ITGAV: variants seen among roughly 807,000 people sequenced by gnomAD.
The protein encoded by ITGAV is integrin alpha-V.
A neutral mutation model predicts 143.8 loss-of-function variants in ITGAV; 76 were observed. That is an observed-to-expected ratio of 0.53 (90% CI 0.44 to 0.64). The LOEUF (loss-of-function observed/expected upper bound fraction) is 0.64, where lower values mean the gene tolerates loss of function less well. Ranked by LOEUF, ITGAV falls within the 30% of genes least tolerant of loss-of-function variation. The pLI, the probability that ITGAV is intolerant of heterozygous loss-of-function variation, is 0.00. For synonymous variants in ITGAV, 453 were observed against 446.7 expected (o/e 1.01, Z -0.18); for missense variants, 1,193 against 1,274.7 (o/e 0.94, Z 0.98).
chr2:186,610,366 G>A (rs552529183), intron 2 of ITGAV, among the ~76,000 whole-genome samples: 1 of 152,230 alleles, frequency 6.6e-6, no homozygotes, highest in African/African-American at 2.4e-5. Context: ...AAAATGTGCT[G>A]CCCTGTTAAT....
chr2:186,637,128 A>G lies in ITGAV; in HGVS notation c.802+19A>G, dbSNP rs747821665. 4.4e-6 allele frequency: 7 copies of G among 1,591,062 alleles called. No homozygotes were observed. The highest frequency in any genetic ancestry group is 2.2e-5 in the East Asian group (1 of 44,736). ...ATAGATGGTATGAAGTACTTGAACT[A>G]TATCTAATCTTTAAAAAAATTAGAT... On this transcript the variant is annotated intron_variant, in intron 8 of 29. Transcript: ENST00000261023.
chr2:186,667,620 T>C, intron 23 of ITGAV, 51 bp from the exon 24 acceptor site: 1 of 949,518 alleles, frequency 1.1e-6, no homozygotes, highest in Non-Finnish European at 1.6e-6. Context: ...GAAAATGAAC[T>C]GACTATATCA....
At chr2:186,610,023 CTCCTGGT>C (rs1687171288) in intron 2 of ITGAV, among the ~76,000 whole-genome samples, 1 of 152,080 alleles carries the variant, frequency 6.6e-6, no homozygotes, top group African/African-American at 2.4e-5. Context: ...ACATCTTGGA[CTCCTGGT>C]TCCTTGTAGA....
At position 186,680,671 on chromosome 2, in the gene ITGAV, T is replaced by G. The variant is rs1311945044; in HGVS notation, c.*3379T>G. 1 of 152,640 alleles carries G rather than the reference T, an allele frequency of 6.6e-6. No individual in the cohort carries two copies. The highest frequency in any genetic ancestry group is 1.5e-5 in the Non-Finnish European group (1 of 68,012). 9.5% of individuals were successfully genotyped at this position (152,640 alleles called of 1,614,324 possible). On this transcript the variant is annotated 3_prime_UTR_variant, in exon 30 of 30. Coordinates refer to ENST00000261023, the MANE Select transcript of ITGAV (RefSeq NM_002210.5). ...TTACCAGTTTTGAAACACTTTGAAA[T>G]ATCCTAAGGTAACTTGGAAGCTGTG...
At position 186,659,147 on chromosome 2, in the gene ITGAV, A is replaced by G. The variant is rs1293307542; in HGVS notation, c.1829A>G (p.Gln610Arg). 10 of 1,610,374 alleles carry G rather than the reference A, an allele frequency of 6.2e-6. No individual in the cohort carries two copies. The highest frequency in any genetic ancestry group is 8.5e-6 in the Non-Finnish European group (10 of 1,178,114). ...ACAGGCTTGCAACCCATTCTTAACC[A>G]GTTCACGCCTGCTAACATTAGTCGA... Reference protein sequence around the residue: ...DTTGLQPILNQFTPANISRQA... With the variant: ...DTTGLQPILNRFTPANISRQA... The change falls in exon 18 of 30, where the codon CAG (glutamine) becomes CGG (arginine). Residue 610 changes from glutamine (Q) to arginine (R), a missense_variant. Gln to Arg is a conservative substitution (Grantham distance 43). Coordinates refer to ENST00000261023, the MANE Select transcript of ITGAV (RefSeq NM_002210.5).
chr2:186,658,015 T>A (rs1211650017), intron 17 of ITGAV, among the ~76,000 whole-genome samples: 6 of 151,896 alleles, frequency 4.0e-5, no homozygotes, highest in African/African-American at 1.5e-4. Context: ...GTTCCTGGAG[T>A]GGTCAAGGAT....
chr2:186,629,451 A>G (rs1260247377), intron 4 of ITGAV, among the ~76,000 whole-genome samples: 1 of 151,996 alleles, frequency 6.6e-6, no homozygotes, highest in Non-Finnish European at 1.5e-5. Flanking sequence ...TTGAGGTTAG[A>G]GCAGAATTCC....
intron 22 of ITGAV, 56 bp from the exon 23 acceptor site, chr2:186,667,094 T>G: frequency 7.4e-7 from 1 of 1,354,070 alleles, no homozygotes; most frequent in African/African-American, 1.5e-5. Context: ...TTTGCCTCTG[T>G]ATGTTCTTGG....
intron 26 of ITGAV, among the ~76,000 whole-genome samples, chr2:186,674,453 A>C (rs184112470): frequency 1.1e-3 from 171 of 151,676 alleles, no homozygotes; most frequent in African/African-American, 3.9e-3. Context: ...TATATGTAAG[A>C]TCCTGTCATC....
rs1686926175 is a variant in ITGAV at position 186,602,128 on chromosome 2, A to G, written c.293A>G (p.Gln98Arg). The change falls in exon 2 of 30, where the codon CAG becomes CGG. Residue 98 changes from glutamine (Q) to arginine (R), a missense_variant. By Grantham distance (43) the Gln-to-Arg change is conservative. Coordinates refer to ENST00000261023, the MANE Select transcript of ITGAV (RefSeq NM_002210.5). ...GACTGGTCTTCTACCCGCCGGTGCC[A>G]GCCAATTGAATTTGATGCAACAGGT... ...KCDWSSTRRC[Q>R]PIEFDATGNR... The G allele has an allele frequency of 6.2e-7, 1 of 1,611,466 alleles. No homozygotes were observed. Among genetic ancestry groups the G allele is most frequent in the Admixed American group, 1.7e-5 (1 of 59,792 alleles).
chr2:186,642,559 G>A (rs1044249431), intron 12 of ITGAV, among the ~76,000 whole-genome samples: 4 of 146,008 alleles, frequency 2.7e-5, no homozygotes, highest in African/African-American at 1.0e-4. Flanking sequence ...TTTTGAGGCA[G>A]GGTCTCACTC....
intron 17 of ITGAV, among the ~76,000 whole-genome samples, chr2:186,656,748 T>C (rs983024174): frequency 2.0e-5 from 3 of 151,264 alleles, no homozygotes; most frequent in African/African-American, 7.3e-5. Flanking sequence ...GAATTGTGAG[T>C]TATAAGCAAA....
rs201074380 is a variant in ITGAV at position 186,654,631 on chromosome 2, G to A, written c.1506-19G>A. The A allele has an allele frequency of 2.2e-4, 304 of 1,352,514 alleles. 1 individual carries two copies. The highest frequency in any genetic ancestry group is 3.0e-4 in the Non-Finnish European group (292 of 957,742). The allele number at this position is 1,352,514 out of a possible 1,614,324, so 83.8% of individuals were successfully genotyped here. Reference sequence around the variant, plus strand: ...AAACTGAATTATAGAATTTATGTATGTTTTTTATTTTTCCACAGTTTTAAT... The same window carrying A: ...AAACTGAATTATAGAATTTATGTATATTTTTTATTTTTCCACAGTTTTAAT... On this transcript the variant is annotated intron_variant, in intron 15 of 29. Transcript: ENST00000261023.
At chr2:186,646,600 C>T in intron 12 of ITGAV, 86 bp from the exon 13 acceptor site, 1 of 941,904 alleles carries the variant, frequency 1.1e-6, no homozygotes, top group Non-Finnish European at 1.6e-6. Flanking sequence ...TTCCCCCCTT[C>T]TCTCGTTCCT....
chr2:186,664,773 C>A, intron 20 of ITGAV, 132 bp downstream of exon 20: 1 of 1,066,028 alleles, frequency 9.4e-7, no homozygotes, highest in Non-Finnish European at 1.4e-6. Context: ...CAATGGAGTG[C>A]CTATCTTACA....
rs754859050 is a variant in ITGAV, at chr2:186,664,562, G to T, written c.1994G>T (p.Gly665Val). The change falls in exon 20 of 30, where the codon GGA (glycine) becomes GTA (valine). Residue 665 changes from glycine to valine, a missense_variant. Physicochemically the swap from Gly to Val is moderately radical, Grantham distance 109. Coordinates refer to ENST00000261023, the MANE Select transcript of ITGAV (RefSeq NM_002210.5). ...LTLIVKAQNQ[G>V]EGAYEAELIV... ...TTGATTGTTAAGGCTCAGAATCAAG[G>T]AGAAGGTGCCTACGAAGCTGAGCTC... 1 of 1,614,064 alleles carries T rather than the reference G, an allele frequency of 6.2e-7. No homozygotes were observed. The highest frequency in any genetic ancestry group is 8.5e-7 in the Non-Finnish European group (1 of 1,179,948).
chr2:186,636,242 T>A, intron 7 of ITGAV, 35 bp downstream of exon 7: 1 of 1,566,854 alleles, frequency 6.4e-7, no homozygotes. Flanking sequence ...TTTTTGGAAC[T>A]GTGGTACATA....
At chr2:186,600,417 A>G (rs1686868244) in intron 1 of ITGAV, 2 of 1,537,890 alleles carry the variant, frequency 1.3e-6, no homozygotes, top group African/African-American at 2.8e-5. Context: ...TGTCTACTTT[A>G]TCTAAAAGAG....
At chr2:186,624,630 A>G (rs1012172572) in intron 3 of ITGAV, among the ~76,000 whole-genome samples, 1 of 152,236 alleles carries the variant, frequency 6.6e-6, no homozygotes, top group Non-Finnish European at 1.5e-5. Context: ...TAGAAAATCA[A>G]TTAAACCTTT....
Sources: gnomAD v4.1 joint callset for allele counts (sites outside exome capture counted in the v4.1 genomes callset) on GRCh38, gnomAD v4.1.1 for gene constraint, MANE v1.5 for transcripts, NCBI Gene and HGNC (gene_info 2026-07-23, HGNC 2026-07-21) for gene names.